The following PCCB variants were observed in gnomAD, a reference collection of about 807,000 sequenced individuals.
PCCB encodes propionyl-CoA carboxylase beta chain, mitochondrial.
In PCCB, 43 loss-of-function variants were observed where a neutral mutation model predicts 60.7. That is an observed-to-expected ratio of 0.71 (90% confidence interval 0.55 to 0.91). The LOEUF is 0.91. Ranked by LOEUF, PCCB falls within the 40% of genes least tolerant of loss-of-function variation. The probability of loss-of-function intolerance (pLI) is 0.00; values close to 1 mark genes in which losing one functional copy is unlikely to be tolerated. For synonymous variants in PCCB, 276 were observed against 255.9 expected (o/e 1.08, Z -0.75); for missense variants, 766 against 702.8 (o/e 1.09, Z -1.02).
At chr3:136,321,020 A>G (rs768907516) in intron 10 of PCCB, among the ~76,000 whole-genome samples, 3 of 152,108 alleles carry the variant, frequency 2.0e-5, no homozygotes, top group Admixed American at 6.5e-5. Context: ...TCTTTGTTTT[A>G]TCATGAAAGG....
At chr3:136,252,195 A>G (rs938277975) in intron 1 of PCCB, 3 of 444,496 alleles carry the variant, frequency 6.7e-6, no homozygotes, top group African/African-American at 2.0e-5. Context: ...CACCCCTTTT[A>G]AAACAATTTT....
At chr3:136,321,401 T>A (rs961998932) in intron 10 of PCCB, among the ~76,000 whole-genome samples, 2 of 152,248 alleles carry the variant, frequency 1.3e-5, no homozygotes, top group African/African-American at 4.8e-5. Context: ...CTGGGTATTC[T>A]ATAAAGGAAA....
intron 5 of PCCB, among the ~76,000 whole-genome samples, chr3:136,276,675 G>C (rs554509171): frequency 8.9e-4 from 135 of 152,320 alleles, no homozygotes; most frequent in Non-Finnish European, 1.7e-3. Flanking sequence ...CCAAGCTCCT[G>C]TGGAGAAGCC....
At chr3:136,287,815 A>T (rs1374459313) in intron 6 of PCCB, among the ~76,000 whole-genome samples, 2 of 152,206 alleles carry the variant, frequency 1.3e-5, no homozygotes, top group African/African-American at 4.8e-5. Context: ...TGCCATTGCA[A>T]ATGATGCTGA....
intron 8 of PCCB, 77 bp downstream of exon 8, chr3:136,298,149 G>A (rs1414277977): frequency 1.3e-6 from 2 of 1,594,860 alleles, no homozygotes; most frequent in Non-Finnish European, 1.7e-6. Context: ...GACCCCCAGG[G>A]TCTGCCTTGT....
intron 12 of PCCB, 40 bp downstream of exon 12, chr3:136,327,295 T>C: frequency 6.8e-7 from 1 of 1,478,070 alleles, no homozygotes. Context: ...CTGCTCACTT[T>C]CCTACAGCAT....
At position 136,250,424 on chromosome 3, in the gene PCCB, C is replaced by T. The variant is rs200185747; in HGVS notation, c.49C>T (p.Leu17=). ...GGCGGTCGGGGCAAGGCTCAGCGTT[C>T]TGGCGAGCGGTCTCCGCGCCGCGGT... is the stretch of plus-strand genomic sequence containing the variant. ...VAAVGARLSV[L]ASGLRAAVRS... is the part of the protein sequence containing the mutation. The change falls in exon 1 of 15, where the codon CTG becomes TTG. Residue 17 remains leucine (L), a synonymous_variant. Coordinates refer to ENST00000251654, the MANE Select transcript of PCCB (RefSeq NM_000532.5). 8 of 1,589,374 alleles carry T rather than the reference C, an allele frequency of 5.0e-6. No individual in the cohort carries two copies. In the Admixed American group the frequency reaches 7.1e-5, roughly 14 times the overall value.
intron 9 of PCCB, among the ~76,000 whole-genome samples, chr3:136,316,002 C>G (rs1479719490): frequency 6.6e-6 from 1 of 151,958 alleles, no homozygotes; most frequent in Non-Finnish European, 1.5e-5. Flanking sequence ...GAGGATTGCT[C>G]AAGGCCAGGA....
At chr3:136,311,510 A>T (rs1052307612) in intron 9 of PCCB, among the ~76,000 whole-genome samples, 1 of 146,576 alleles carries the variant, frequency 6.8e-6, no homozygotes, top group Non-Finnish European at 1.5e-5. Context: ...CTGATTTAAT[A>T]TTTTTTTTTT....
chr3:136,285,060 C>T (rs1560011055), intron 6 of PCCB, among the ~76,000 whole-genome samples: 1 of 143,332 alleles, frequency 7.0e-6, no homozygotes, highest in Non-Finnish European at 1.5e-5. Flanking sequence ...TGCACTCTAG[C>T]TCTGGGTGAC....
chr3:136,313,242 A>G (rs746132414), intron 9 of PCCB, among the ~76,000 whole-genome samples: 3 of 152,166 alleles, frequency 2.0e-5, no homozygotes, highest in Non-Finnish European at 4.4e-5. Context: ...CCACCATACA[A>G]AATTATAGAT....
chr3:136,321,748 A>T (rs1449162796), intron 10 of PCCB, among the ~76,000 whole-genome samples: 2 of 152,238 alleles, frequency 1.3e-5, no homozygotes, highest in Non-Finnish European at 2.9e-5. Context: ...GAGCTATCCC[A>T]TACCAATAGT....
intron 9 of PCCB, among the ~76,000 whole-genome samples, chr3:136,312,102 A>G (rs987285344): frequency 3.3e-5 from 5 of 152,262 alleles, no homozygotes; most frequent in African/African-American, 1.2e-4. Flanking sequence ...GTGGAATAGA[A>G]TAAAAGAGCC....
intron 9 of PCCB, among the ~76,000 whole-genome samples, chr3:136,312,589 C>A (rs1175783735): frequency 6.6e-6 from 1 of 152,110 alleles, no homozygotes; most frequent in Non-Finnish European, 1.5e-5. Flanking sequence ...TACTTTACAC[C>A]ATGTACAAAA....
chr3:136,281,626 T>C lies in PCCB; in HGVS notation c.544-2211T>C, dbSNP rs185449945. Among the ~76,000 whole-genome samples, 254 of 152,314 alleles carry C rather than the reference T, an allele frequency of 1.7e-3. 1 individual carries two copies. Among genetic ancestry groups the C allele is most frequent in the Admixed American group, 2.9e-3 (44 of 15,302 alleles). On this transcript the variant is annotated intron_variant, in intron 5 of 14. Transcript: ENST00000251654. ...TCCAATATCTGGGTTTCTTCAGAGA[T>C]GATTTTTGTTAAATTATTTTTTTCT...
chr3:136,265,076 C>G (rs944604763), intron 5 of PCCB, among the ~76,000 whole-genome samples: 4 of 152,026 alleles, frequency 2.6e-5, no homozygotes, highest in Non-Finnish European at 5.9e-5. Context: ...CGCCTGTAAT[C>G]CCAGCTACTC....
In PCCB at chr3:136,262,057, A is replaced by G. The variant is rs371182021; in HGVS notation, c.535A>G (p.Ile179Val). Reference protein sequence around the residue: ...GVESLAGYADIFLRNVTASGV... With the variant: ...GVESLAGYADVFLRNVTASGV... ...GGAGTCTTTGGCTGGCTATGCAGAC[A>G]TCTTTCTGGTGAGAAACCTGTTAAT... Residue 179 changes from isoleucine (I) to valine (V), a missense_variant, in exon 5 of 15, where the codon ATC becomes GTC. By Grantham distance (29) the Ile-to-Val change is conservative (BLOSUM62 3). Coordinates refer to ENST00000251654, the MANE Select transcript of PCCB (RefSeq NM_000532.5). The G allele has an allele frequency of 4.5e-6, 7 of 1,547,486 alleles. No homozygotes were observed. Among genetic ancestry groups the G allele is most frequent in the South Asian group, 1.2e-5 (1 of 84,164 alleles).
In PCCB at chr3:136,330,156, AT is replaced by A. The variant is rs1935489598; in HGVS notation, c.*132del. ...AACTTAGAATAACTAAGTTTATTAA[AT>A]TCTAGAAAGATCTCTTTTGTGCCTT... On this transcript the variant is annotated 3_prime_UTR_variant, in exon 15 of 15. Transcript: ENST00000251654. The A allele has an allele frequency of 3.9e-6, 6 of 1,536,310 alleles. No individual in the cohort carries two copies. The highest frequency in any genetic ancestry group is 5.3e-6 in the Non-Finnish European group (6 of 1,133,008).
At chr3:136,316,878 G>A (rs1934915494) in intron 9 of PCCB, 63 bp from the exon 10 acceptor site, 1 of 1,556,382 alleles carries the variant, frequency 6.4e-7, no homozygotes, top group Non-Finnish European at 8.9e-7. Context: ...TCATTCTGTA[G>A]TGTCATTACA....
Sources: allele counts gnomAD v4.1 joint callset (sites outside exome capture counted in the v4.1 genomes callset), GRCh38; gene constraint gnomAD v4.1.1; transcripts MANE v1.5; gene names NCBI Gene and HGNC (gene_info 2026-07-23, HGNC 2026-07-21).